MARCHF3: variants seen among roughly 807,000 people sequenced by gnomAD.
MARCHF3 encodes E3 ubiquitin-protein ligase MARCHF3.
Under a neutral mutation model 24.2 loss-of-function variants are expected in MARCHF3, and 13 were observed. The observed-to-expected ratio is 0.54, with a 90% CI of 0.35 to 0.85. The LOEUF is 0.85. MARCHF3 is among the 40% of genes least tolerant of loss of function. The pLI is 0.01. For synonymous variants in MARCHF3, 144 were observed against 137.3 expected (o/e 1.05, Z -0.34); for missense variants, 276 against 325.0 (o/e 0.85, Z 1.16).
chr5:126,874,418 C>G (rs1185723751), intron 4 of MARCHF3, among the ~76,000 whole-genome samples: 1 of 152,064 alleles, frequency 6.6e-6, no homozygotes, highest in Non-Finnish European at 1.5e-5. Context: ...GAAACCCCGT[C>G]TCTACTAAAA....
chr5:126,983,716 TC>T (rs1253686390), intron 1 of MARCHF3, among the ~76,000 whole-genome samples: 1 of 152,140 alleles, frequency 6.6e-6, no homozygotes, highest in Non-Finnish European at 1.5e-5. Flanking sequence ...ACTTGTCCCT[TC>T]CCTCATCCCT....
At chr5:126,878,053 C>A in intron 4 of MARCHF3, 132 bp downstream of exon 4, 1 of 804,514 alleles carries the variant, frequency 1.2e-6, no homozygotes, top group Non-Finnish European at 2.0e-6. Flanking sequence ...AAATCTCATG[C>A]TCCCGCCAGC....
At chr5:126,907,755 G>A (rs1334158022) in intron 3 of MARCHF3, among the ~76,000 whole-genome samples, 3 of 148,180 alleles carry the variant, frequency 2.0e-5, no homozygotes, top group Non-Finnish European at 4.5e-5. Flanking sequence ...GCACACTGAT[G>A]GGTCTTGACT....
rs575130937 is a variant in MARCHF3 at position 126,924,136 on chromosome 5, G to A, written c.-56-5909C>T. Among the ~76,000 whole-genome samples the A allele has an allele frequency of 9.9e-5, 15 of 152,202 alleles. No individual in the cohort carries two copies. In the East Asian group the frequency reaches 1.9e-3, roughly 20 times the overall value. On this transcript the variant is annotated intron_variant, in intron 1 of 4. Coordinates refer to ENST00000308660, the MANE Select transcript of MARCHF3 (RefSeq NM_178450.5). ...AGCACTTTTCCACAATCAATCATGCGCTTGCTCATTCAGGGGAAACCACCC... is the reference window on the plus strand; with the variant it reads ...AGCACTTTTCCACAATCAATCATGCACTTGCTCATTCAGGGGAAACCACCC...
chr5:126,952,724 C>T (rs1348426231), intron 1 of MARCHF3, among the ~76,000 whole-genome samples: 1 of 152,086 alleles, frequency 6.6e-6, no homozygotes, highest in Non-Finnish European at 1.5e-5. Context: ...AGTATCTTAA[C>T]CACCCCCAAT....
chr5:126,998,759 C>T (rs79861775), intron 1 of MARCHF3, among the ~76,000 whole-genome samples: 2,403 of 152,238 alleles, frequency 0.016, 66 homozygotes, highest in South Asian at 0.12. Flanking sequence ...TCACTCGTTC[C>T]CCTGTCCCAC....
intron 3 of MARCHF3, among the ~76,000 whole-genome samples, chr5:126,885,531 CA>C (rs1210860346): frequency 8.1e-6 from 1 of 123,224 alleles, no homozygotes; most frequent in East Asian, 3.8e-4. Context: ...TGTGCCATTG[CA>C]TTCCAGCCTG....
chr5:126,946,761 G>GGGGTGT (rs1186024076), intron 1 of MARCHF3, among the ~76,000 whole-genome samples: 1 of 136,046 alleles, frequency 7.4e-6, no homozygotes, highest in South Asian at 2.4e-4. Flanking sequence ...TGTAAGTAGG[G>GGGGTGT]GTGTGTGTGT....
Position 126,986,024 on chromosome 5 carries a change from T to C in MARCHF3, c.-57+44326A>G, listed in dbSNP as rs186720480. Among the ~76,000 whole-genome samples, 154 of 152,322 alleles carry C rather than the reference T, an allele frequency of 1.0e-3. 1 individual carries two copies. The highest frequency in any genetic ancestry group is 3.4e-3 in the Middle Eastern group (1 of 294). Reference sequence around the variant, plus strand: ...AGAACATGCTCTGCATGTGAATCCATTGCAAGCATATCTAACAGTACTGGG... The same window carrying C: ...AGAACATGCTCTGCATGTGAATCCACTGCAAGCATATCTAACAGTACTGGG... On this transcript the variant is annotated intron_variant, in intron 1 of 4. Coordinates refer to ENST00000308660, the MANE Select transcript of MARCHF3 (RefSeq NM_178450.5).
chr5:126,870,620 A>G lies in MARCHF3; in HGVS notation c.*13T>C. The G allele has an allele frequency of 6.2e-7, 1 of 1,613,532 alleles. No homozygotes were observed. Among genetic ancestry groups the G allele is most frequent in the Non-Finnish European group, 8.5e-7 (1 of 1,179,574 alleles). On this transcript the variant is annotated 3_prime_UTR_variant, in exon 5 of 5. Transcript: ENST00000308660. ...CAAACAATGAATCAAACAACCAACC[A>G]ACCATACAAACATCAAACAACTGTC...
chr5:127,002,420 A>G (rs952207203), intron 1 of MARCHF3, among the ~76,000 whole-genome samples: 3 of 152,032 alleles, frequency 2.0e-5, no homozygotes, highest in African/African-American at 7.3e-5. Context: ...ATTCTTGGTG[A>G]CTCTTTCATT....
At chr5:127,002,851 T>C (rs572739116) in intron 1 of MARCHF3, among the ~76,000 whole-genome samples, 1 of 152,310 alleles carries the variant, frequency 6.6e-6, no homozygotes, top group East Asian at 1.9e-4. Context: ...ACACAGCTCC[T>C]TTCATAAATC....
chr5:126,963,951 A>G (rs182076287), intron 1 of MARCHF3, among the ~76,000 whole-genome samples: 232 of 152,316 alleles, frequency 1.5e-3, no homozygotes, highest in Non-Finnish European at 2.5e-3. Context: ...CATGGGCCGT[A>G]TTTGTCTCAT....
chr5:126,948,788 C>T (rs2126814253), intron 1 of MARCHF3, among the ~76,000 whole-genome samples: 1 of 152,234 alleles, frequency 6.6e-6, no homozygotes, highest in East Asian at 1.9e-4. Flanking sequence ...TGGATGAAAC[C>T]CCCATATGAT....
At chr5:126,902,970 G>T (rs1298453403) in intron 3 of MARCHF3, among the ~76,000 whole-genome samples, 1 of 152,034 alleles carries the variant, frequency 6.6e-6, no homozygotes, top group Non-Finnish European at 1.5e-5. Context: ...AGCATACTCA[G>T]GCACAAGATG....
At chr5:127,015,559 C>G (rs974083222) in intron 1 of MARCHF3, among the ~76,000 whole-genome samples, 1 of 152,176 alleles carries the variant, frequency 6.6e-6, no homozygotes, top group African/African-American at 2.4e-5. Flanking sequence ...AGGTCCCAAG[C>G]TGAAAGCCAT....
chr5:126,914,537 A>G (rs920378032), intron 3 of MARCHF3: 6 of 284,108 alleles, frequency 2.1e-5, no homozygotes, highest in Admixed American at 4.5e-5. Flanking sequence ...AGGATATGCA[A>G]CCCAAATGCC....
intron 3 of MARCHF3, among the ~76,000 whole-genome samples, chr5:126,878,679 T>C (rs1400887286): frequency 6.6e-6 from 1 of 152,194 alleles, no homozygotes; most frequent in East Asian, 1.9e-4. Flanking sequence ...AATGATCCCA[T>C]GTGGAAGGAA....
intron 4 of MARCHF3, among the ~76,000 whole-genome samples, chr5:126,873,830 A>G (rs1753053982): frequency 1.3e-5 from 2 of 152,366 alleles, no homozygotes; most frequent in South Asian, 4.1e-4. Flanking sequence ...TGTCAGGGAA[A>G]ATAAAGGCAA....
Sources: allele counts gnomAD v4.1 joint callset (sites outside exome capture counted in the v4.1 genomes callset), GRCh38; gene constraint gnomAD v4.1.1; transcripts MANE v1.5; gene names NCBI Gene and HGNC (gene_info 2026-07-23, HGNC 2026-07-21).